The following SGCZ variants were observed in gnomAD, a reference collection of about 807,000 sequenced individuals.
SGCZ encodes the protein zeta-sarcoglycan.
A neutral mutation model predicts 41.3 loss-of-function variants in SGCZ; 40 were observed. The observed-to-expected ratio is 0.97, with a 90% CI of 0.75 to 1.26. The LOEUF (loss-of-function observed/expected upper bound fraction) is 1.26, where lower values mean the gene tolerates loss of function less well. Among genes scored for constraint, SGCZ ranks in the 50% most tolerant of loss-of-function variants. The probability of loss-of-function intolerance (pLI) is 0.00; values close to 1 mark genes in which losing one functional copy is unlikely to be tolerated. For missense variants in SGCZ, 552 were observed against 369.8 expected (o/e 1.49, Z -4.04); for synonymous variants, 206 against 137.5 (o/e 1.50, Z -3.49).
At chr8:14,971,831 G>C (rs1801308635) in intron 1 of SGCZ, among the ~76,000 whole-genome samples, 1 of 151,694 alleles carries the variant, frequency 6.6e-6, no homozygotes, top group Non-Finnish European at 1.5e-5. Flanking sequence ...TGTATTTTTA[G>C]TAGAGACGGG....
At chr8:14,247,153 G>C (rs1239148467) in intron 3 of SGCZ, among the ~76,000 whole-genome samples, 2 of 152,074 alleles carry the variant, frequency 1.3e-5, no homozygotes, top group African/African-American at 2.4e-5. Flanking sequence ...TTTCTACTCT[G>C]ATACTTTTAT....
intron 1 of SGCZ, among the ~76,000 whole-genome samples, chr8:15,180,012 T>C (rs1327141580): frequency 1.3e-5 from 2 of 152,184 alleles, no homozygotes; most frequent in Admixed American, 6.5e-5. Context: ...GACTATTATA[T>C]GCACATTTTT....
chr8:14,978,883 C>T (rs1801575193), intron 1 of SGCZ, among the ~76,000 whole-genome samples: 1 of 152,314 alleles, frequency 6.6e-6, no homozygotes, highest in African/African-American at 2.4e-5. Context: ...ACTGCAACCT[C>T]TGCCTCCCAG....
intron 1 of SGCZ, among the ~76,000 whole-genome samples, chr8:15,131,655 C>A (rs139647742): frequency 6.6e-6 from 1 of 152,122 alleles, no homozygotes; most frequent in Non-Finnish European, 1.5e-5. Context: ...AGTATGTTAG[C>A]GCGGCATCTT....
intron 1 of SGCZ, among the ~76,000 whole-genome samples, chr8:14,600,491 T>G (rs1443536468): frequency 6.6e-6 from 1 of 152,140 alleles, no homozygotes; most frequent in Non-Finnish European, 1.5e-5. Flanking sequence ...ACTTAGTCAT[T>G]AGTTAAGGGC....
At chr8:15,196,538 T>C (rs1800737081) in intron 1 of SGCZ, among the ~76,000 whole-genome samples, 3 of 148,204 alleles carry the variant, frequency 2.0e-5, no homozygotes, top group African/African-American at 7.3e-5. Context: ...TATTATATTG[T>C]GGGTGTTAAG....
chr8:14,086,111 A>C lies in SGCZ; in HGVS notation c.*4332T>G, dbSNP rs569017785. ...AGTACATAGAGCAAATAATTTCTCC[A>C]TATGTCATTAAATATGATCACATGA... is the stretch of plus-strand genomic sequence containing the variant. On this transcript the variant is annotated 3_prime_UTR_variant, in exon 8 of 8. Transcript: ENST00000382080. Among the ~76,000 whole-genome samples the C allele has an allele frequency of 6.6e-6, 1 of 151,712 alleles. No homozygotes were observed. Among genetic ancestry groups the C allele is most frequent in the Non-Finnish European group, 1.5e-5 (1 of 67,754 alleles).
chr8:14,604,518 C>A (rs1240857443), intron 1 of SGCZ, among the ~76,000 whole-genome samples: 9 of 151,970 alleles, frequency 5.9e-5, no homozygotes, highest in Admixed American at 2.6e-4. Flanking sequence ...ATATCAGGTA[C>A]AATAAACTCT....
intron 5 of SGCZ, among the ~76,000 whole-genome samples, chr8:14,156,045 G>T (rs1803866738): frequency 6.6e-6 from 1 of 152,164 alleles, no homozygotes; most frequent in Non-Finnish European, 1.5e-5. Context: ...TAGTCCTGAA[G>T]CTTGCAGGAC....
At chr8:14,469,591 G>C (rs549866350) in intron 2 of SGCZ, among the ~76,000 whole-genome samples, 1 of 152,194 alleles carries the variant, frequency 6.6e-6, no homozygotes, top group East Asian at 1.9e-4. Flanking sequence ...GTACGCTACT[G>C]ATGGAATGAT....
At chr8:14,260,029 A>G (rs1799600526) in intron 3 of SGCZ, among the ~76,000 whole-genome samples, 1 of 152,056 alleles carries the variant, frequency 6.6e-6, no homozygotes, top group African/African-American at 2.4e-5. Flanking sequence ...GGTCCTTCAC[A>G]TCCCTTGTAA....
At chr8:14,473,625 A>G (rs1352052464) in intron 2 of SGCZ, among the ~76,000 whole-genome samples, 1 of 152,118 alleles carries the variant, frequency 6.6e-6, no homozygotes, top group African/African-American at 2.4e-5. Flanking sequence ...CTGAAATCTT[A>G]TATGTCAACA....
intron 3 of SGCZ, among the ~76,000 whole-genome samples, chr8:14,288,361 T>C (rs1227377158): frequency 9.2e-5 from 14 of 152,086 alleles, no homozygotes; most frequent in East Asian, 1.9e-4. Context: ...TCTGCAACCA[T>C]TATTACTATC....
rs1411557954 is a variant in SGCZ, at chr8:14,247,814, T to A, written c.337-10135A>T. Among the ~76,000 whole-genome samples, 5 of 152,168 alleles carry A rather than the reference T, an allele frequency of 3.3e-5. No individual in the cohort carries two copies. In the East Asian group the frequency reaches 9.7e-4, roughly 29 times the overall value. On this transcript the variant is annotated intron_variant, in intron 3 of 7. Transcript: ENST00000382080. ...CTGTCTGTCCAGTCAGTATGTTCACTATGGGGACATGATTGAGGTACACCT... is the reference window on the plus strand; with the variant it reads ...CTGTCTGTCCAGTCAGTATGTTCACAATGGGGACATGATTGAGGTACACCT...
intron 5 of SGCZ, among the ~76,000 whole-genome samples, chr8:14,146,890 A>AAAAAAAATAATAATAAT (rs1182329393): frequency 3.1e-4 from 36 of 116,182 alleles, no homozygotes; most frequent in South Asian, 7.7e-4. Flanking sequence ...AAAATAAAAA[A>AAAAAAAATAATAATAAT]AATAATAATA....
intron 1 of SGCZ, among the ~76,000 whole-genome samples, chr8:14,668,542 G>A (rs2117502978): frequency 6.6e-6 from 1 of 152,140 alleles, no homozygotes; most frequent in East Asian, 1.9e-4. Flanking sequence ...TCTTTGCTCT[G>A]TTTTGAACTT....
At chr8:15,069,916 T>C (rs989464913) in intron 1 of SGCZ, among the ~76,000 whole-genome samples, 1 of 152,042 alleles carries the variant, frequency 6.6e-6, no homozygotes, top group African/African-American at 2.4e-5. Flanking sequence ...ATTTTATATA[T>C]CTATTAGGCA....
chr8:14,915,510 T>C (rs1363651514), intron 1 of SGCZ, among the ~76,000 whole-genome samples: 2 of 152,118 alleles, frequency 1.3e-5, no homozygotes. Flanking sequence ...AACCAGGGCC[T>C]AGACATGTTC....
chr8:15,009,852 G>A (rs750661820), intron 1 of SGCZ, among the ~76,000 whole-genome samples: 2 of 152,058 alleles, frequency 1.3e-5, no homozygotes, highest in African/African-American at 4.8e-5. Context: ...TTTTAATAAT[G>A]TGTCATACAA....
Sources: allele counts gnomAD v4.1 joint callset (sites outside exome capture counted in the v4.1 genomes callset), GRCh38; gene constraint gnomAD v4.1.1; transcripts MANE v1.5; gene names NCBI Gene and HGNC (gene_info 2026-07-23, HGNC 2026-07-21).